RORA: variants seen among roughly 807,000 people sequenced by gnomAD.
The protein encoded by RORA is RAR related orphan receptor A.
In RORA, 7 loss-of-function variants were observed where a neutral mutation model predicts 69.5. That is an observed-to-expected ratio of 0.10 (90% confidence interval 0.06 to 0.19). RORA has a LOEUF of 0.19. RORA is among the 10% of genes least tolerant of loss of function. The pLI, the probability that RORA is intolerant of heterozygous loss-of-function variation, is 1.00. For missense variants in RORA, 457 were observed against 663.0 expected, an observed-to-expected ratio of 0.69 and a Z score of 3.41; for synonymous variants, 261 against 240.8, an observed-to-expected ratio of 1.08 and a Z score of -0.78.
At chr15:60,887,344 G>A (rs190318095) in intron 1 of RORA, among the ~76,000 whole-genome samples, 5 of 152,272 alleles carry the variant, frequency 3.3e-5, no homozygotes, top group Admixed American at 1.3e-4. Context: ...ATGCTGTCAT[G>A]GGGGGTGCAT....
At chr15:60,988,455 G>C (rs139619933) in intron 1 of RORA, among the ~76,000 whole-genome samples, 103 of 152,284 alleles carry the variant, frequency 6.8e-4, no homozygotes, top group African/African-American at 2.4e-3. Flanking sequence ...TTTTCAACCA[G>C]TGAGCATAAT....
intron 3 of RORA, among the ~76,000 whole-genome samples, chr15:60,520,827 C>T (rs1368263137): frequency 6.6e-6 from 1 of 152,156 alleles, no homozygotes; most frequent in East Asian, 1.9e-4. Context: ...ACTTGGCTGT[C>T]ATAAAAGTTC....
rs1286516929 is a variant in RORA at position 60,599,368 on chromosome 15, T to G, written c.197-67517A>C. On this transcript the variant is annotated intron_variant, in intron 2 of 10. Transcript: ENST00000335670. The stretch of plus-strand genomic sequence containing the variant: ...GAGATTGAGACCAGCCTGGCCAACA[T>G]GGCGAAACCCCATCTCTACTAAAAA... Among the ~76,000 whole-genome samples the G allele has an allele frequency of 4.6e-5, 7 of 152,266 alleles. No homozygotes were observed. The East Asian group carries it at 1.2e-3, about 25-fold the overall frequency.
chr15:61,186,292 C>G (rs918716351), intron 1 of RORA, among the ~76,000 whole-genome samples: 4 of 152,112 alleles, frequency 2.6e-5, no homozygotes, highest in African/African-American at 9.7e-5. Flanking sequence ...AGGATTATCC[C>G]TGTAATTCTA....
chr15:61,144,998 A>G (rs2140867399), intron 1 of RORA, among the ~76,000 whole-genome samples: 2 of 152,338 alleles, frequency 1.3e-5, no homozygotes, highest in Non-Finnish European at 2.9e-5. Context: ...CAGGAATTTG[A>G]GATACCTATC....
intron 2 of RORA, among the ~76,000 whole-genome samples, chr15:60,671,066 T>TAATATATATATATATATATATA (rs1567149501): frequency 5.4e-5 from 1 of 18,516 alleles, no homozygotes. Context: ...TATATCCCAT[T>TAATATATATATATATATATATA]GATATATATA....
At chr15:61,063,050 G>A (rs186776498) in intron 1 of RORA, among the ~76,000 whole-genome samples, 10 of 152,200 alleles carry the variant, frequency 6.6e-5, no homozygotes, top group African/African-American at 1.2e-4. Flanking sequence ...TCACAGACCC[G>A]GCGTATTCAC....
At chr15:60,586,839 A>T (rs996716326) in intron 2 of RORA, among the ~76,000 whole-genome samples, 1 of 152,206 alleles carries the variant, frequency 6.6e-6, no homozygotes, top group Non-Finnish European at 1.5e-5. Flanking sequence ...TTAATCCAGC[A>T]GTCATTAAGG....
chr15:61,089,751 G>A (rs529218672), intron 1 of RORA, among the ~76,000 whole-genome samples: 4 of 152,254 alleles, frequency 2.6e-5, no homozygotes, highest in South Asian at 2.1e-4. Context: ...AACCATCACC[G>A]TAGGCTCTGA....
At chr15:60,749,777 C>T (rs2071697824) in intron 1 of RORA, among the ~76,000 whole-genome samples, 1 of 152,134 alleles carries the variant, frequency 6.6e-6, no homozygotes. Flanking sequence ...CCTGTAATCC[C>T]AACATTTTGG....
chr15:61,092,452 A>G (rs2078722173), intron 1 of RORA, among the ~76,000 whole-genome samples: 1 of 152,266 alleles, frequency 6.6e-6, no homozygotes, highest in African/African-American at 2.4e-5. Context: ...GCTTTTCAGC[A>G]AAATTACTTG....
chr15:61,114,370 A>G (rs1159152019), intron 1 of RORA, among the ~76,000 whole-genome samples: 2 of 152,198 alleles, frequency 1.3e-5, no homozygotes, highest in Non-Finnish European at 2.9e-5. Context: ...GGGGAAAAAG[A>G]CCAGGTAATT....
chr15:60,733,756 C>T (rs1234085096), intron 1 of RORA, among the ~76,000 whole-genome samples: 3 of 152,044 alleles, frequency 2.0e-5, no homozygotes, highest in African/African-American at 4.8e-5. Flanking sequence ...GCCATGGGAG[C>T]AGAGAGAAAA....
At position 61,167,145 on chromosome 15, in the gene RORA, G is replaced by C. The variant is rs563586198; in HGVS notation, c.166+61908C>G. On this transcript the variant is annotated intron_variant, in intron 1 of 10. Transcript: ENST00000335670. ...ATCTAATCAGGCCCTGGAATCAGCT[G>C]AAACGAGAGCTTCTGTAAAAATCAC... is the stretch of plus-strand genomic sequence containing the variant. 6.8e-4 allele frequency among the ~76,000 whole-genome samples: 103 copies of C among 152,302 alleles called. 2 individuals are homozygous for C. The South Asian group carries it at 0.021, about 31-fold the overall frequency.
chr15:60,541,189 C>G lies in RORA; in HGVS notation c.197-9338G>C, dbSNP rs533144661. Among the ~76,000 whole-genome samples the G allele has an allele frequency of 1.5e-3, 230 of 152,280 alleles. 10 individuals carry two copies. The South Asian group carries it at 0.045, about 30-fold the overall frequency. On this transcript the variant is annotated intron_variant, in intron 2 of 10. Transcript: ENST00000335670. ...TGTAAGATCTTGAAGAATTAGAACTCCTAGAAATTCAACTAGTTCCTTCAC... is the reference window on the plus strand; with the variant it reads ...TGTAAGATCTTGAAGAATTAGAACTGCTAGAAATTCAACTAGTTCCTTCAC...
At chr15:60,721,119 C>T (rs1440867182) in intron 1 of RORA, among the ~76,000 whole-genome samples, 1 of 152,108 alleles carries the variant, frequency 6.6e-6, no homozygotes, top group Non-Finnish European at 1.5e-5. Context: ...ACGATGCCTT[C>T]GTTTTAAAGG....
chr15:60,496,677 A>T lies in RORA; in HGVS notation c.*778T>A, dbSNP rs1261357088. ...TCTTAAAAATAATTTTGTAAACAGC[A>T]GCATAAATACCTCCCAACGTACCTT... is the stretch of plus-strand genomic sequence containing the variant. On this transcript the variant is annotated 3_prime_UTR_variant, in exon 11 of 11. Transcript: ENST00000335670. This position sits in a 1 kb window ranked among gnomAD's most constrained non-coding sequence, Gnocchi z 4.5. The T allele has an allele frequency of 6.6e-6, 1 of 152,228 alleles. No homozygotes were observed. 9.4% of individuals were successfully genotyped at this position (152,228 alleles called of 1,614,324 possible).
At chr15:60,688,988 A>C (rs1480942421) in intron 1 of RORA, among the ~76,000 whole-genome samples, 1 of 152,196 alleles carries the variant, frequency 6.6e-6, no homozygotes. Context: ...GAGCCCTTTC[A>C]TCAGGACCTC....
chr15:60,759,116 A>G (rs2071844926), intron 1 of RORA, among the ~76,000 whole-genome samples: 1 of 152,316 alleles, frequency 6.6e-6, no homozygotes, highest in Admixed American at 6.5e-5. Context: ...CATTAGGACA[A>G]CTGGAAAGAA....
Sources: gnomAD v4.1 joint callset for allele counts (sites outside exome capture counted in the v4.1 genomes callset) on GRCh38, gnomAD v4.1.1 for gene constraint, Gnocchi (gnomAD v3.1) non-coding constraint, MANE v1.5 for transcripts, NCBI Gene and HGNC (gene_info 2026-07-23, HGNC 2026-07-21) for gene names.